Variants in PIP5K1B observed in about 807,000 individuals in gnomAD.
PIP5K1B encodes phosphatidylinositol 4-phosphate 5-kinase type-1 beta.
Under a neutral mutation model 67.0 loss-of-function variants are expected in PIP5K1B, and 42 were observed. The ratio of observed to expected loss-of-function variants is 0.63; its 90% CI spans 0.49 to 0.81. The LOEUF (loss-of-function observed/expected upper bound fraction) is 0.81. Among genes scored for constraint, PIP5K1B ranks in the 30% least tolerant of loss-of-function variants. PIP5K1B has a pLI of 0.00. For missense variants in PIP5K1B, 459 were observed against 646.3 expected (o/e 0.71, Z 3.14); for synonymous variants, 214 against 231.4 (o/e 0.92, Z 0.68).
intron 14 of PIP5K1B, among the ~76,000 whole-genome samples, chr9:68,944,150 T>A (rs1010774348): frequency 6.6e-6 from 1 of 152,198 alleles, no homozygotes; most frequent in Non-Finnish European, 1.5e-5. Flanking sequence ...AGCATGCAGA[T>A]CATAGGAATA....
intron 4 of PIP5K1B, among the ~76,000 whole-genome samples, chr9:68,857,468 C>T (rs1453036842): frequency 6.6e-6 from 1 of 152,122 alleles, no homozygotes; most frequent in African/African-American, 2.4e-5. Flanking sequence ...GTTTCTTTCT[C>T]CTTAATTCTC....
chr9:68,923,045 C>T (rs1826490749), intron 11 of PIP5K1B, among the ~76,000 whole-genome samples: 1 of 152,126 alleles, frequency 6.6e-6, no homozygotes, highest in Non-Finnish European at 1.5e-5. Flanking sequence ...TTATGTAGCA[C>T]AGTTTTTTTT....
chr9:68,919,332 A>T (rs1826252027), intron 9 of PIP5K1B, 147 bp from the exon 10 acceptor site: 1 of 548,228 alleles, frequency 1.8e-6, no homozygotes, highest in African/African-American at 2.0e-5. Flanking sequence ...AAAAAGGAAC[A>T]AACAAAAAAA....
chr9:68,806,942 G>GTT (rs10550941), intron 2 of PIP5K1B, among the ~76,000 whole-genome samples: 8 of 130,490 alleles, frequency 6.1e-5, no homozygotes, highest in African/African-American at 1.7e-4. Context: ...TTTGGCCTTG[G>GTT]TTTTTTTTTT....
chr9:68,855,687 G>C (rs4745344), intron 4 of PIP5K1B, among the ~76,000 whole-genome samples: 1 of 151,886 alleles, frequency 6.6e-6, no homozygotes, highest in Non-Finnish European at 1.5e-5. Flanking sequence ...CCATCCTCTC[G>C]TTCATCACCC....
At chr9:68,913,806 T>A (rs985176607) in intron 8 of PIP5K1B, among the ~76,000 whole-genome samples, 1 of 152,140 alleles carries the variant, frequency 6.6e-6, no homozygotes, top group Non-Finnish European at 1.5e-5. Flanking sequence ...ACAGAGGAGA[T>A]GAAGCTCTTT....
chr9:68,921,313 A>T (rs909677417), intron 11 of PIP5K1B, among the ~76,000 whole-genome samples: 4 of 147,070 alleles, frequency 2.7e-5, no homozygotes, highest in Admixed American at 6.8e-5. Flanking sequence ...TTTTTTAATT[A>T]AAAAAAAAAA....
intron 5 of PIP5K1B, among the ~76,000 whole-genome samples, chr9:68,869,207 G>A (rs918448936): frequency 3.9e-5 from 6 of 152,198 alleles, no homozygotes; most frequent in African/African-American, 1.4e-4. Flanking sequence ...ACAGCAGGAG[G>A]TGAGCAGAGG....
In PIP5K1B at chr9:68,726,674, A is replaced by G. The variant is rs557276449; in HGVS notation, c.-242-15827A>G. Among the ~76,000 whole-genome samples, 13 of 152,346 alleles carry G rather than the reference A, an allele frequency of 8.5e-5. No homozygotes were observed. In the South Asian group the frequency reaches 1.7e-3, roughly 19 times the overall value. On this transcript the variant is annotated intron_variant, in intron 1 of 15. Transcript: ENST00000265382. Reference sequence around the variant, plus strand: ...TGGCATCAGGGAGGAGAGGGTGCTAATATCCTCATTTCTTAAAATAGCAAG... The same window carrying G: ...TGGCATCAGGGAGGAGAGGGTGCTAGTATCCTCATTTCTTAAAATAGCAAG...
intron 1 of PIP5K1B, among the ~76,000 whole-genome samples, chr9:68,717,264 C>G (rs1265874789): frequency 6.6e-6 from 1 of 152,106 alleles, no homozygotes; most frequent in Non-Finnish European, 1.5e-5. Flanking sequence ...TTTTATGATC[C>G]AGGTATTTTT....
intron 2 of PIP5K1B, among the ~76,000 whole-genome samples, chr9:68,749,432 C>G (rs951529332): frequency 6.6e-6 from 1 of 152,162 alleles, no homozygotes; most frequent in African/African-American, 2.4e-5. Context: ...GCCAGCACCT[C>G]AGTTTCAGCC....
intron 4 of PIP5K1B, among the ~76,000 whole-genome samples, chr9:68,824,797 A>G (rs1388834091): frequency 2.0e-5 from 3 of 152,244 alleles, no homozygotes; most frequent in Non-Finnish European, 2.9e-5. Flanking sequence ...TCTTCAAACT[A>G]GAGAAGGTGT....
intron 12 of PIP5K1B, among the ~76,000 whole-genome samples, chr9:68,924,184 T>C (rs1465220546): frequency 6.7e-6 from 1 of 149,912 alleles, no homozygotes; most frequent in Non-Finnish European, 1.5e-5. Flanking sequence ...GGCAGATCAC[T>C]TGAAGTCAGG....
intron 6 of PIP5K1B, among the ~76,000 whole-genome samples, chr9:68,882,971 G>A (rs1230558374): frequency 2.0e-5 from 3 of 152,178 alleles, no homozygotes; most frequent in African/African-American, 7.2e-5. Context: ...TTACCTGCCT[G>A]TGGAATGAGT....
intron 2 of PIP5K1B, among the ~76,000 whole-genome samples, chr9:68,815,224 T>C (rs907645955): frequency 4.6e-5 from 7 of 151,430 alleles, no homozygotes; most frequent in Non-Finnish European, 8.8e-5. Flanking sequence ...AAATTGTTAA[T>C]GCATTTAGGA....
chr9:68,915,976 C>G (rs1046810261), intron 8 of PIP5K1B, among the ~76,000 whole-genome samples: 1 of 152,198 alleles, frequency 6.6e-6, no homozygotes, highest in Non-Finnish European at 1.5e-5. Flanking sequence ...ATCTTCAGGC[C>G]TGATCCCCTC....
intron 2 of PIP5K1B, among the ~76,000 whole-genome samples, chr9:68,761,431 CTA>C (rs942125723): frequency 2.0e-5 from 3 of 151,984 alleles, no homozygotes; most frequent in African/African-American, 7.2e-5. Context: ...GTGAAATTTC[CTA>C]TATTCATTTC....
chr9:68,790,856 G>A (rs1831926921), intron 2 of PIP5K1B, among the ~76,000 whole-genome samples: 1 of 152,212 alleles, frequency 6.6e-6, no homozygotes, highest in African/African-American at 2.4e-5. Context: ...TAAGAGAGAA[G>A]TAAGTATTTG....
At position 68,835,205 on chromosome 9, in the gene PIP5K1B, A is replaced by G. The variant is rs1252099686; in HGVS notation, c.69+12522A>G. Among the ~76,000 whole-genome samples the G allele has an allele frequency of 2.6e-5, 4 of 152,356 alleles. No homozygotes were observed. The East Asian group carries it at 7.7e-4, about 29-fold the overall frequency. On this transcript the variant is annotated intron_variant, in intron 4 of 15. Transcript: ENST00000265382. ...TTTAAAATCAACTGTATCCCTCTCA[A>G]AATCATAGAGGAGTGTAGACTTTAT... is the stretch of plus-strand genomic sequence containing the variant.
Sources: allele counts gnomAD v4.1 joint callset (sites outside exome capture counted in the v4.1 genomes callset), GRCh38; gene constraint gnomAD v4.1.1; transcripts MANE v1.5; gene names NCBI Gene and HGNC (gene_info 2026-07-23, HGNC 2026-07-21).